FLNC: variants seen among roughly 807,000 people sequenced by gnomAD.
FLNC encodes filamin C, also known as filamin-C.
FLNC carries 91 observed loss-of-function variants against 254.3 expected under a neutral mutation model. That is an observed-to-expected ratio of 0.36 (90% CI 0.30 to 0.43). FLNC has a LOEUF of 0.43. FLNC is among the 20% of genes least tolerant of loss of function. FLNC has a pLI of 1.00. For synonymous variants in FLNC, 1,430 were observed against 1,577.2 expected (o/e 0.91, Z 2.21); for missense variants, 2,853 against 3,802.6 (o/e 0.75, Z 6.57).
Position 128,843,581 on chromosome 7 carries a change from C to T in FLNC, c.2811+4C>T, listed in dbSNP as rs146715204. ...CAAGTACACCGCTGTCCAGCAGGTGCGCTCTGCCCCTCCCATGCTACCGCC... is the reference window on the plus strand; with the variant it reads ...CAAGTACACCGCTGTCCAGCAGGTGTGCTCTGCCCCTCCCATGCTACCGCC... On this transcript the variant is annotated splice_donor_region_variant and intron_variant, in intron 18 of 47. Coordinates refer to ENST00000325888, the MANE Select transcript of FLNC (RefSeq NM_001458.5). 1.1e-5 allele frequency: 18 copies of T among 1,613,576 alleles called. No homozygotes were observed. The highest frequency in any genetic ancestry group is 2.7e-5 in the African/African-American group (2 of 75,044).
rs1224643532 is a variant in FLNC, at chr7:128,840,212, AAGTATGGCC to A, written c.1549+56_1549+64del. 3 of 1,603,632 alleles carry A rather than the reference AAGTATGGCC, an allele frequency of 1.9e-6. No homozygotes were observed. The African/African-American group carries it at 4.0e-5, about 21-fold the overall frequency. On this transcript the variant is annotated intron_variant, in intron 9 of 47. Coordinates refer to ENST00000325888, the MANE Select transcript of FLNC (RefSeq NM_001458.5). ...GGGTGGGGCTGGGGGATCATAAGGG[AAGTATGGCC>A]AGTGGTTCTGACTCCCAGAGGGCAG... is the stretch of plus-strand genomic sequence containing the variant.
Position 128,858,472 on chromosome 7 carries a change from G to A in FLNC, c.8127G>A (p.Lys2709=), listed in dbSNP as rs778353974. ...KEKGDYILIV[K]WGDESVPGSP... is the part of the protein sequence containing the mutation. ...AAGGGGACTACATCCTCATTGTCAA[G>A]TGGGGTGACGAAAGTGTCCCTGGAA... is the stretch of plus-strand genomic sequence containing the variant. Residue 2709 remains lysine, a synonymous_variant, in exon 48 of 48, where the codon AAG becomes AAA. Transcript: ENST00000325888. This position sits in a 1 kb window ranked among gnomAD's most constrained non-coding sequence, Gnocchi z 6.7. 13 of 1,613,860 alleles carry A rather than the reference G, an allele frequency of 8.1e-6. No homozygotes were observed. The highest frequency in any genetic ancestry group is 1.1e-5 in the Non-Finnish European group (13 of 1,179,980).
chr7:128,841,487 G>A lies in FLNC; in HGVS notation c.2041G>A (p.Gly681Ser), dbSNP rs199705417. The A allele has an allele frequency of 2.0e-5, 33 of 1,614,016 alleles. No individual in the cohort carries two copies. Among genetic ancestry groups the A allele is most frequent in the African/African-American group, 1.2e-4 (9 of 74,928 alleles). The change falls in exon 13 of 48, where the codon GGC becomes AGC. Residue 681 changes from glycine (G) to serine (S), a missense_variant. Physicochemically the swap from Gly to Ser is moderately conservative, Grantham distance 56 (BLOSUM62 0). Coordinates refer to ENST00000325888, the MANE Select transcript of FLNC (RefSeq NM_001458.5). This position sits in a 1 kb window ranked among gnomAD's most constrained non-coding sequence, Gnocchi z 4.3. ...CTTTGGGCCTGGCCTGGAGCCTACC[G>A]GCTGCATCGTGGACAAGCCCGCTGA... ...KAFGPGLEPT[G>S]CIVDKPAEFT...
rs558911550 is a variant in FLNC at position 128,836,902 on chromosome 7, C to T, written c.602-258C>T. Among the ~76,000 whole-genome samples, 6 of 152,270 alleles carry T rather than the reference C, an allele frequency of 3.9e-5. No individual in the cohort carries two copies. Among genetic ancestry groups the T allele is most frequent in the Non-Finnish European group, 7.4e-5 (5 of 68,018 alleles). On this transcript the variant is annotated intron_variant, in intron 2 of 47. Transcript: ENST00000325888. This position sits in a 1 kb window ranked among gnomAD's most constrained non-coding sequence, Gnocchi z 6.0. The stretch of plus-strand genomic sequence containing the variant: ...GCTGGGGCCTGGGCAGGCAGGAGGC[C>T]GGCCAGCAGGGCTGGTGCCAGGCTG...
intron 28 of FLNC, 38 bp downstream of exon 28, chr7:128,849,020 C>A (rs1249255404): frequency 6.2e-7 from 1 of 1,604,130 alleles, no homozygotes; most frequent in Admixed American, 1.7e-5. Flanking sequence ...TGCTCACCAC[C>A]CAGCCCCTCA....
rs1350503435 is a variant in FLNC at position 128,851,236 on chromosome 7, C to T, written c.5544C>T (p.Ser1848=). ...CCTTTTTCTCTGTATCCCCAGGGAG[C>T]CCCTTACAGTTCTATGTGGATGCCA... ...IKYDGNHIPG[S]PLQFYVDAIN... The change falls in exon 34 of 48, where the codon AGC becomes AGT. Residue 1848 remains serine (S), a synonymous_variant. Transcript: ENST00000325888. 5 of 1,613,940 alleles carry T rather than the reference C, an allele frequency of 3.1e-6. No homozygotes were observed. In the African/African-American group the frequency reaches 4.0e-5, roughly 13 times the overall value.
chr7:128,852,018 A>C (rs1311979491), intron 35 of FLNC, among the ~76,000 whole-genome samples: 1 of 152,122 alleles, frequency 6.6e-6, no homozygotes, highest in Admixed American at 6.5e-5. Context: ...GGCGCCCGCC[A>C]CCATGCCTGG....
Position 128,848,960 on chromosome 7 carries a change from T to C in FLNC, c.4905T>C (p.Asp1635=), listed in dbSNP as rs1480787323. 6.2e-7 allele frequency: 1 copy of C among 1,612,166 alleles called. No homozygotes were observed. The highest frequency in any genetic ancestry group is 1.1e-5 in the South Asian group (1 of 91,064). The change falls in exon 28 of 48, where the codon GAT becomes GAC. Residue 1635 remains aspartate, a synonymous_variant. Transcript: ENST00000325888. The stretch of plus-strand genomic sequence containing the variant: ...GCATCCATGCTCTGCCCACTGGGGA[T>C]GCCAGCAAGTGCCTCGTCACAGGTG... ...PFRIHALPTG[D]ASKCLVTVSI...
At chr7:128,853,054 C>T in intron 37 of FLNC, 23 bp downstream of exon 37, 1 of 1,609,164 alleles carries the variant, frequency 6.2e-7, no homozygotes, top group Non-Finnish European at 8.5e-7. Context: ...CCAGAGAGCC[C>T]CCATTCCAGC....
Position 128,841,292 on chromosome 7 carries a change from G to C in FLNC, c.1936G>C (p.Asp646His), listed in dbSNP as rs372668691. Residue 646 changes from aspartate (D) to histidine (H), a missense_variant, in exon 12 of 48, where the codon GAT becomes CAT. Coordinates refer to ENST00000325888, the MANE Select transcript of FLNC (RefSeq NM_001458.5). The surrounding 1 kb of genome is among the most constrained non-coding windows in gnomAD (Gnocchi z 4.3). ...GTACGCTGTGCACGTCATCTGTGACGATGAGGACATCCGAGACTCACCCTT... is the reference window on the plus strand; with the variant it reads ...GTACGCTGTGCACGTCATCTGTGACCATGAGGACATCCGAGACTCACCCTT... ...GEYAVHVICD[D>H]EDIRDSPFIA... is the part of the protein sequence containing the mutation. 8 of 1,613,960 alleles carry C rather than the reference G, an allele frequency of 5.0e-6. No individual in the cohort carries two copies. Among genetic ancestry groups the C allele is most frequent in the Non-Finnish European group, 6.8e-6 (8 of 1,179,994 alleles).
rs201810745 is a variant in FLNC at position 128,840,045 on chromosome 7, C to T, written c.1434C>T (p.Arg478=). The change falls in exon 9 of 48, where the codon CGC becomes CGT. Residue 478 remains arginine (R), a synonymous_variant. Transcript: ENST00000325888. ...VSEACNPNAC[R]ASGRGLQPKG... ...TAGCCTGTAACCCCAACGCCTGCCG[C>T]GCCTCTGGGCGAGGCCTGCAGCCCA... 2.2e-4 allele frequency: 362 copies of T among 1,613,930 alleles called. No individual in the cohort carries two copies. Among genetic ancestry groups the T allele is most frequent in the Non-Finnish European group, 2.8e-4 (326 of 1,180,038 alleles).
intron 40 of FLNC, 46 bp downstream of exon 40, chr7:128,854,262 G>C: frequency 6.2e-7 from 1 of 1,604,034 alleles, no homozygotes; most frequent in Non-Finnish European, 8.5e-7. Flanking sequence ...GGCGGGATGG[G>C]AGGGTGCTGC....
At chr7:128,849,232 G>T (rs372562606) in intron 29 of FLNC, 28 bp downstream of exon 29, 1 of 1,614,148 alleles carries the variant, frequency 6.2e-7, no homozygotes, top group Non-Finnish European at 8.5e-7. Flanking sequence ...CCTCTTCTTG[G>T]TGTGGGCCAG....
In FLNC at chr7:128,856,971, A is replaced by C; in HGVS notation, c.7561+50A>C. The C allele has an allele frequency of 1.3e-6, 2 of 1,599,988 alleles. No individual in the cohort carries two copies. The highest frequency in any genetic ancestry group is 1.1e-5 in the South Asian group (1 of 90,836). On this transcript the variant is annotated intron_variant, in intron 45 of 47. Coordinates refer to ENST00000325888, the MANE Select transcript of FLNC (RefSeq NM_001458.5). This position sits in a 1 kb window ranked among gnomAD's most constrained non-coding sequence, Gnocchi z 5.9. ...GGGTGACTTCTGGGGGTGCTTGGCC[A>C]CTAGTCTGGTGCTGCTTTGCTCCAG... is the stretch of plus-strand genomic sequence containing the variant.
Position 128,830,722 on chromosome 7 carries a change from G to T in FLNC, c.85G>T (p.Ala29Ser). 6.2e-7 allele frequency: 1 copy of T among 1,613,092 alleles called. No individual in the cohort carries two copies. Among genetic ancestry groups the T allele is most frequent in the Non-Finnish European group, 8.5e-7 (1 of 1,179,998 alleles). ...GATGCCGTCCACGGAGAAGGACCTG[G>T]CGGAGGACGCGCCGTGGAAGAAGAT... ...DEMPSTEKDL[A>S]EDAPWKKIQQ... The change falls in exon 1 of 48, where the codon GCG (alanine) becomes TCG (serine). Residue 29 changes from alanine to serine, a missense_variant. Ala to Ser is a moderately conservative substitution (Grantham distance 99). Transcript: ENST00000325888.
chr7:128,837,115 C>A (rs780610396), intron 2 of FLNC, 45 bp from the exon 3 acceptor site: 72 of 1,344,898 alleles, frequency 5.4e-5, no homozygotes, highest in Non-Finnish European at 7.1e-5. Context: ...GCATCCTGGC[C>A]GGCTGGCTGC....
intron 24 of FLNC, 117 bp downstream of exon 24, chr7:128,847,022 T>G: frequency 7.4e-7 from 1 of 1,347,348 alleles, no homozygotes; most frequent in South Asian, 1.3e-5. Context: ...GAGGACAGCC[T>G]AGAGTGGGTT....
chr7:128,844,000 G>T lies in FLNC; in HGVS notation c.2930-4G>T, dbSNP rs747623690. 6.2e-7 allele frequency: 1 copy of T among 1,614,140 alleles called. No individual in the cohort carries two copies. Among genetic ancestry groups the T allele is most frequent in the Non-Finnish European group, 8.5e-7 (1 of 1,180,040 alleles). Reference sequence around the variant, plus strand: ...CCTCATGGTGTCACTTGCCCTCCACGCAGAGGTGGCTGTGGGACAGGAACA... The same window carrying T: ...CCTCATGGTGTCACTTGCCCTCCACTCAGAGGTGGCTGTGGGACAGGAACA... On this transcript the variant is annotated splice_polypyrimidine_tract_variant and splice_region_variant and intron_variant, in intron 19 of 47. Coordinates refer to ENST00000325888, the MANE Select transcript of FLNC (RefSeq NM_001458.5).
chr7:128,839,178 G>C (rs1808227099), intron 8 of FLNC, among the ~76,000 whole-genome samples: 1 of 152,246 alleles, frequency 6.6e-6, no homozygotes, highest in Admixed American at 6.5e-5. Context: ...GCGGGGCCAG[G>C]CATGGCCGCA....
Sources: allele counts gnomAD v4.1 joint callset (sites outside exome capture counted in the v4.1 genomes callset), GRCh38; gene constraint gnomAD v4.1.1; non-coding constraint Gnocchi (gnomAD v3.1); transcripts MANE v1.5; gene names NCBI Gene and HGNC (gene_info 2026-07-23, HGNC 2026-07-21).